The following TTC28 variants were observed in gnomAD, a reference collection of about 807,000 sequenced individuals.
TTC28 encodes the protein tetratricopeptide repeat domain 28, also known as tetratricopeptide repeat protein 28.
TTC28 carries 61 observed loss-of-function variants against 198.0 expected under a neutral mutation model. The observed-to-expected ratio is 0.31, with a 90% CI of 0.25 to 0.38. The LOEUF (loss-of-function observed/expected upper bound fraction) is 0.38, where lower values mean the gene tolerates loss of function less well. Among genes scored for constraint, TTC28 ranks in the 10% least tolerant of loss-of-function variants. The pLI, the probability that TTC28 is intolerant of heterozygous loss-of-function variation, is 1.00. For synonymous variants in TTC28, 1,171 were observed against 1,297.8 expected (o/e 0.90, Z 2.10); for missense variants, 2,678 against 3,164.0 (o/e 0.85, Z 3.69).
At chr22:28,170,622 G>A (rs572916224) in intron 5 of TTC28, among the ~76,000 whole-genome samples, 2 of 152,082 alleles carry the variant, frequency 1.3e-5, no homozygotes, top group Non-Finnish European at 2.9e-5. Context: ...CTTCTTCCAC[G>A]GTAAATGGAT....
chr22:28,455,336 T>C (rs1484514109), intron 2 of TTC28, among the ~76,000 whole-genome samples: 1 of 152,186 alleles, frequency 6.6e-6, no homozygotes, highest in African/African-American at 2.4e-5. Context: ...TTATTTTCCT[T>C]CTTCATTTAA....
chr22:28,559,039 A>T (rs900014026), intron 2 of TTC28, among the ~76,000 whole-genome samples: 1 of 152,160 alleles, frequency 6.6e-6, no homozygotes, highest in Admixed American at 6.5e-5. Context: ...CCATCTCAAA[A>T]AAAAAAAAGA....
rs906342053 is a variant in TTC28, at chr22:27,981,909, A to G, written c.*312T>C. The G allele has an allele frequency of 7.1e-5, 21 of 294,070 alleles. No individual in the cohort carries two copies. Among genetic ancestry groups the G allele is most frequent in the South Asian group, 1.4e-4 (1 of 7,280 alleles). The allele number at this position is 294,070 out of a possible 1,614,324, so 18.2% of individuals were successfully genotyped here. Reference sequence around the variant, plus strand: ...AGAACCATGATCATTTTTGTACAAAATCCTGGTGAAGAATCATATCAAAGA... The same window carrying G: ...AGAACCATGATCATTTTTGTACAAAGTCCTGGTGAAGAATCATATCAAAGA... On this transcript the variant is annotated 3_prime_UTR_variant, in exon 23 of 23. Transcript: ENST00000397906.
At chr22:28,150,580 A>G (rs1389919345) in intron 6 of TTC28, among the ~76,000 whole-genome samples, 1 of 152,226 alleles carries the variant, frequency 6.6e-6, no homozygotes, top group Non-Finnish European at 1.5e-5. Context: ...TCCAGAAGAA[A>G]GACCCCAAAG....
chr22:28,210,079 A>G (rs1350909245), intron 5 of TTC28, among the ~76,000 whole-genome samples: 1 of 152,214 alleles, frequency 6.6e-6, no homozygotes, highest in African/African-American at 2.4e-5. Context: ...TAGGGTCCTC[A>G]GTGTTAGAAG....
intron 12 of TTC28, among the ~76,000 whole-genome samples, chr22:28,067,927 G>A (rs912411222): frequency 3.9e-5 from 6 of 152,090 alleles, no homozygotes; most frequent in South Asian, 2.1e-4. Context: ...TGGAATCTAC[G>A]TGCCTAAGCT....
At chr22:28,384,458 T>C (rs922175958) in intron 2 of TTC28, among the ~76,000 whole-genome samples, 3 of 152,176 alleles carry the variant, frequency 2.0e-5, no homozygotes, top group Non-Finnish European at 2.9e-5. Flanking sequence ...TCATCTTCCA[T>C]ACAGTATGTT....
At chr22:28,274,567 G>T (rs1014740146) in intron 5 of TTC28, among the ~76,000 whole-genome samples, 1 of 152,196 alleles carries the variant, frequency 6.6e-6, no homozygotes, top group African/African-American at 2.4e-5. Flanking sequence ...AGACATTTCT[G>T]TGGTGAACCA....
intron 2 of TTC28, among the ~76,000 whole-genome samples, chr22:28,504,386 CATAT>C (rs2048575386): frequency 6.6e-6 from 1 of 151,692 alleles, no homozygotes; most frequent in African/African-American, 2.4e-5. Flanking sequence ...TTTGTGTAGC[CATAT>C]ATATACACAT....
At chr22:28,452,512 G>T (rs1224483383) in intron 2 of TTC28, among the ~76,000 whole-genome samples, 1 of 150,670 alleles carries the variant, frequency 6.6e-6, no homozygotes, top group Non-Finnish European at 1.5e-5. Flanking sequence ...GGAAAAGAAA[G>T]TCAATAAGGA....
At chr22:28,061,009 A>G (rs958159858) in intron 12 of TTC28, among the ~76,000 whole-genome samples, 1 of 152,174 alleles carries the variant, frequency 6.6e-6, no homozygotes, top group Non-Finnish European at 1.5e-5. Flanking sequence ...TTGGCTGCAT[A>G]AATGTCTTCC....
At chr22:28,232,865 C>T (rs1928921725) in intron 5 of TTC28, 1 of 152,078 alleles carries the variant, frequency 6.6e-6, no homozygotes, top group Admixed American at 6.5e-5. Context: ...CTTTGGGAGG[C>T]TAAGGTGGGT....
At chr22:28,174,450 A>G (rs979843179) in intron 5 of TTC28, among the ~76,000 whole-genome samples, 3 of 152,234 alleles carry the variant, frequency 2.0e-5, no homozygotes, top group African/African-American at 7.2e-5. Context: ...AAAAGACAAC[A>G]CAAGAAGTTT....
At chr22:28,411,369 A>T (rs2047079094) in intron 2 of TTC28, among the ~76,000 whole-genome samples, 1 of 152,234 alleles carries the variant, frequency 6.6e-6, no homozygotes, top group Non-Finnish European at 1.5e-5. Flanking sequence ...AGCCATGTTT[A>T]TCACATCTAG....
intron 12 of TTC28, among the ~76,000 whole-genome samples, chr22:28,047,632 C>A (rs73880376): frequency 0.069 from 10,504 of 152,270 alleles, 428 homozygotes; most frequent in South Asian, 0.091. Flanking sequence ...CCGTCTCCCT[C>A]TATCCCCTTG....
chr22:28,006,786 C>T lies in TTC28; in HGVS notation c.4219-5233G>A, dbSNP rs574832161. 2.0e-5 allele frequency: 3 copies of T among 152,336 alleles called. No homozygotes were observed. The East Asian group carries it at 5.8e-4, about 29-fold the overall frequency. 9.4% of individuals were successfully genotyped at this position (152,336 alleles called of 1,614,324 possible). A position where few individuals can be genotyped will look rare whatever the true frequency, so the allele number is the denominator to read the frequency against. On this transcript the variant is annotated intron_variant, in intron 14 of 22. Transcript: ENST00000397906. ...GGATTGCCGTTTCGGTCAGCGGGAC[C>T]TTCTGCATATGCCCTGGTTGAGTAC...
chr22:28,094,182 TG>T lies in TTC28; in HGVS notation c.3829del (p.Gln1277ArgfsTer6). The stretch of plus-strand genomic sequence containing the variant: ...TGGAAGGGTTACACTGCTGCTGGCC[TG>T]GAAGTCACTTGAGTTTTCCACTGTG... ...ENTVENSSDF[Q>X]ASSSVTLPTA... is the part of the protein sequence containing the mutation. On this transcript the variant is annotated frameshift_variant, in exon 12 of 23. Coordinates refer to ENST00000397906, the MANE Select transcript of TTC28 (RefSeq NM_001145418.2). LOFTEE classifies it high-confidence loss of function. 1 of 1,551,624 alleles carries T rather than the reference TG, an allele frequency of 6.4e-7. No homozygotes were observed. Among genetic ancestry groups the T allele is most frequent in the Non-Finnish European group, 8.7e-7 (1 of 1,146,948 alleles).
intron 2 of TTC28, among the ~76,000 whole-genome samples, chr22:28,528,215 T>C (rs958736645): frequency 1.7e-4 from 26 of 152,152 alleles, no homozygotes; most frequent in African/African-American, 6.0e-4. Context: ...AAAGGACATA[T>C]GAATGCTTAA....
chr22:28,118,081 A>G (rs1380283585), intron 6 of TTC28, among the ~76,000 whole-genome samples: 1 of 152,170 alleles, frequency 6.6e-6, no homozygotes, highest in East Asian at 1.9e-4. Context: ...CTATGTATCC[A>G]TAAAAATACA....
Sources: allele counts gnomAD v4.1 joint callset (sites outside exome capture counted in the v4.1 genomes callset), GRCh38; gene constraint gnomAD v4.1.1; transcripts MANE v1.5; gene names NCBI Gene and HGNC (gene_info 2026-07-23, HGNC 2026-07-21).